Variants in DUSP22 observed in about 807,000 individuals in gnomAD.
The protein encoded by DUSP22 is dual specificity protein phosphatase 22.
Under a neutral mutation model 24.5 loss-of-function variants are expected in DUSP22, and 24 were observed. The observed-to-expected ratio is 0.98, with a 90% confidence interval of 0.71 to 1.38. The LOEUF (loss-of-function observed/expected upper bound fraction) is 1.38, where lower values mean the gene tolerates loss of function less well. Ranked by LOEUF, DUSP22 falls within the 40% of genes most tolerant of loss-of-function variation. The pLI, the probability that DUSP22 is intolerant of heterozygous loss-of-function variation, is 0.00. For synonymous variants in DUSP22, 160 were observed against 106.4 expected, an observed-to-expected ratio of 1.50 and a Z score of -3.10; for missense variants, 330 against 269.2, an observed-to-expected ratio of 1.23 and a Z score of -1.58.
chr6:340,522 C>A (rs1348838079), intron 4 of DUSP22, among the ~76,000 whole-genome samples: 1 of 152,302 alleles, frequency 6.6e-6, no homozygotes, highest in African/African-American at 2.4e-5. Context: ...AGAAAACAAG[C>A]AAAAACTTTT....
intron 4 of DUSP22, 58 bp downstream of exon 4, chr6:335,221 T>C (rs1581181966): frequency 1.3e-6 from 2 of 1,589,666 alleles, no homozygotes; most frequent in African/African-American, 1.3e-5. Context: ...TAGAGGATGG[T>C]AAAGTCAGAG....
At chr6:312,864 C>T (rs1007947791) in intron 3 of DUSP22, among the ~76,000 whole-genome samples, 16 of 152,282 alleles carry the variant, frequency 1.1e-4, no homozygotes, top group African/African-American at 3.4e-4. Context: ...ATAAATGATT[C>T]TACTAAACAT....
intron 1 of DUSP22, among the ~76,000 whole-genome samples, chr6:301,238 G>GT (rs1233028478): frequency 6.6e-6 from 1 of 152,208 alleles, no homozygotes; most frequent in Non-Finnish European, 1.5e-5. Context: ...AGGGTTTGTG[G>GT]TTTTCGAGCA....
intron 3 of DUSP22, among the ~76,000 whole-genome samples, chr6:321,189 G>T (rs1758571348): frequency 6.6e-6 from 1 of 152,308 alleles, no homozygotes; most frequent in Admixed American, 6.5e-5. Context: ...GTGTGCAGAG[G>T]TACAGGGTGC....
rs1327253227 is a variant in DUSP22 at position 345,842 on chromosome 6, T to C, written c.189-12T>C. ...GTAGAGAGATGTCATTTCTCTTTTTTTCTTTTCCCAGGACAAGACATTTCA... is the reference window on the plus strand; with the variant it reads ...GTAGAGAGATGTCATTTCTCTTTTTCTCTTTTCCCAGGACAAGACATTTCA... On this transcript the variant is annotated splice_polypyrimidine_tract_variant and intron_variant, in intron 4 of 6. Coordinates refer to ENST00000419235, the MANE Select transcript of DUSP22 (RefSeq NM_001286555.3). The C allele has an allele frequency of 1.9e-6, 3 of 1,613,912 alleles. No individual in the cohort carries two copies. The highest frequency in any genetic ancestry group is 1.7e-5 in the Admixed American group (1 of 59,980).
chr6:336,058 A>C (rs536580054), intron 4 of DUSP22, among the ~76,000 whole-genome samples: 1 of 152,308 alleles, frequency 6.6e-6, no homozygotes, highest in South Asian at 2.1e-4. Context: ...CAGCTTTAGC[A>C]GTCCGTCTTG....
rs1195481175 is a variant in DUSP22 at position 350,533 on chromosome 6, G to A, written c.*1582G>A. 34 of 1,335,536 alleles carry A rather than the reference G, an allele frequency of 2.5e-5. No individual in the cohort carries two copies. Among genetic ancestry groups the A allele is most frequent in the Non-Finnish European group, 5.8e-6 (6 of 1,042,898 alleles). 82.7% of individuals were successfully genotyped at this position (1,335,536 alleles called of 1,614,324 possible). ...GGTGTGTCAAAGGTGAGCTTTTTGG[G>A]GACCGGGAAAAACAAAGTTGCCTGA... On this transcript the variant is annotated 3_prime_UTR_variant, in exon 7 of 7. Transcript: ENST00000419235.
intron 1 of DUSP22, among the ~76,000 whole-genome samples, chr6:303,176 G>A (rs1757663229): frequency 6.6e-6 from 1 of 152,306 alleles, no homozygotes; most frequent in African/African-American, 2.4e-5. Context: ...GCAAAGCTCT[G>A]TGCAGTCAAG....
At chr6:312,260 C>T (rs374661546) in intron 3 of DUSP22, among the ~76,000 whole-genome samples, 2,588 of 151,316 alleles carry the variant, frequency 0.017, no homozygotes, top group African/African-American at 0.061. Flanking sequence ...CATTTAAACC[C>T]CATTTTCATT....
At chr6:339,712 A>G (rs1451086027) in intron 4 of DUSP22, among the ~76,000 whole-genome samples, 8 of 152,304 alleles carry the variant, frequency 5.3e-5, no homozygotes, top group Admixed American at 4.6e-4. Context: ...CTTTAGCAAT[A>G]CAGAGAGCCT....
intron 1 of DUSP22, among the ~76,000 whole-genome samples, chr6:295,322 T>G (rs1757273086): frequency 6.6e-6 from 1 of 152,286 alleles, no homozygotes; most frequent in East Asian, 1.9e-4. Context: ...GGGACAGCAG[T>G]TTTTATCATT....
At chr6:316,209 G>A (rs572917528) in intron 3 of DUSP22, among the ~76,000 whole-genome samples, 1 of 152,426 alleles carries the variant, frequency 6.6e-6, no homozygotes, top group African/African-American at 2.4e-5. Context: ...GGCAGGGCCA[G>A]GGCTGGAACC....
At chr6:301,221 C>T (rs1757567416) in intron 1 of DUSP22, among the ~76,000 whole-genome samples, 1 of 152,244 alleles carries the variant, frequency 6.6e-6, no homozygotes, top group Admixed American at 6.5e-5. Flanking sequence ...AGATAAATGG[C>T]CATTACAGGG....
intron 6 of DUSP22, 129 bp downstream of exon 6, chr6:348,403 G>T: frequency 6.9e-7 from 1 of 1,448,390 alleles, no homozygotes; most frequent in Non-Finnish European, 9.3e-7. Context: ...CGGCTCCCAG[G>T]GCGCCCAGCT....
At chr6:292,761 C>T (rs999151456) in intron 1 of DUSP22, among the ~76,000 whole-genome samples, 1 of 152,376 alleles carries the variant, frequency 6.6e-6, no homozygotes, top group Non-Finnish European at 1.5e-5. Context: ...ACCCGGCTTC[C>T]GGGTAGGCAG....
chr6:301,366 G>T (rs1329714620), intron 1 of DUSP22, among the ~76,000 whole-genome samples: 1 of 152,306 alleles, frequency 6.6e-6, no homozygotes, highest in African/African-American at 2.4e-5. Context: ...GGGAGAATGG[G>T]GATGACCTGG....
Position 351,029 on chromosome 6 carries a change from G to A in DUSP22, c.*2078G>A, listed in dbSNP as rs1157580214. 2.7e-6 allele frequency: 3 copies of A among 1,092,518 alleles called. No individual in the cohort carries two copies. Among genetic ancestry groups the A allele is most frequent in the African/African-American group, 3.2e-5 (2 of 63,444 alleles). The allele number at this position is 1,092,518 out of a possible 1,614,324, so 67.7% of individuals were successfully genotyped here. A position where few individuals can be genotyped will look rare whatever the true frequency, so the allele number is the denominator to read the frequency against. ...AGTCATGTTTATGTTGAGAACTAAGGATATTCTTTAGCAAGAGAAAATATT... is the reference window on the plus strand; with the variant it reads ...AGTCATGTTTATGTTGAGAACTAAGAATATTCTTTAGCAAGAGAAAATATT... On this transcript the variant is annotated 3_prime_UTR_variant, in exon 7 of 7. Transcript: ENST00000419235.
intron 3 of DUSP22, among the ~76,000 whole-genome samples, chr6:328,257 C>A (rs1273836594): frequency 6.6e-6 from 1 of 152,304 alleles, no homozygotes; most frequent in Non-Finnish European, 1.5e-5. Flanking sequence ...ATCAGCAAGT[C>A]CTGCAGCTGA....
chr6:292,746 A>T (rs967136098), intron 1 of DUSP22, among the ~76,000 whole-genome samples, 186 bp downstream of exon 1: 1 of 149,956 alleles, frequency 6.7e-6, no homozygotes, highest in South Asian at 2.1e-4. Flanking sequence ...TCCCGCCCCC[A>T]CCCCACCCGG....
Sources: gnomAD v4.1 joint callset for allele counts (sites outside exome capture counted in the v4.1 genomes callset) on GRCh38, gnomAD v4.1.1 for gene constraint, MANE v1.5 for transcripts, NCBI Gene and HGNC (gene_info 2026-07-23, HGNC 2026-07-21) for gene names.